The following FAT1 variants were observed in gnomAD, a reference collection of about 807,000 sequenced individuals.
FAT1 encodes the protein FAT atypical cadherin 1, also known as protocadherin Fat 1.
A neutral mutation model predicts 329.8 loss-of-function variants in FAT1; 171 were observed. The observed-to-expected ratio is 0.52, with a 90% CI of 0.46 to 0.59. The LOEUF (loss-of-function observed/expected upper bound fraction) is 0.59, where lower values mean the gene tolerates loss of function less well. Ranked by LOEUF, FAT1 falls within the 20% of genes least tolerant of loss-of-function variation. The pLI, the probability that FAT1 is intolerant of heterozygous loss-of-function variation, is 0.00. For missense variants in FAT1, 5,672 were observed against 5,774.4 expected (o/e 0.98, Z 0.57); for synonymous variants, 2,233 against 2,228.6 (o/e 1.00, Z -0.06).
intron 14 of FAT1, among the ~76,000 whole-genome samples, chr4:186,610,452 A>G (rs10004157): frequency 0.059 from 8,980 of 151,576 alleles, 274 homozygotes; most frequent in Middle Eastern, 0.11. Context: ...GGAGATTTAT[A>G]TCCTTTTAAC....
chr4:186,662,242 T>C (rs567817390), intron 3 of FAT1, among the ~76,000 whole-genome samples: 1 of 152,338 alleles, frequency 6.6e-6, no homozygotes, highest in East Asian at 1.9e-4. Context: ...TCACAATTCT[T>C]ATATACCTCT....
At chr4:186,703,253 A>G (rs562515827) in intron 2 of FAT1, among the ~76,000 whole-genome samples, 5 of 152,224 alleles carry the variant, frequency 3.3e-5, no homozygotes, top group Non-Finnish European at 7.3e-5. Flanking sequence ...CCACGGAGCT[A>G]AGAACACAGA....
chr4:186,604,592 C>A lies in FAT1; in HGVS notation c.10351-18G>T, dbSNP rs560947934. 6.4e-7 allele frequency: 1 copy of A among 1,561,196 alleles called. No homozygotes were observed. Among genetic ancestry groups the A allele is most frequent in the African/African-American group, 1.4e-5 (1 of 73,334 alleles). ...TTATTTTCCTGCACAAGATTAGAAA[C>A]AAAATTAAACAAAAATCCTGGAACA... On this transcript the variant is annotated intron_variant, in intron 17 of 26. Transcript: ENST00000441802.
In FAT1 at chr4:186,679,411, T is replaced by C. The variant is rs558398352; in HGVS notation, c.3266-15798A>G. The stretch of plus-strand genomic sequence containing the variant: ...CAGCCTGGGTGACAGAGTGAGACTC[T>C]GTCTCAAAAAAAAAAAAAAAAAAAA... On this transcript the variant is annotated intron_variant, in intron 2 of 26. Coordinates refer to ENST00000441802, the MANE Select transcript of FAT1 (RefSeq NM_005245.4). Among the ~76,000 whole-genome samples the C allele has an allele frequency of 3.9e-3, 417 of 107,300 alleles. 3 individuals are homozygous for C. The highest frequency in any genetic ancestry group is 0.014 in the African/African-American group (340 of 23,860). 70.4% of individuals were successfully genotyped at this position (107,300 alleles called of 152,430 possible). A position where few individuals can be genotyped will look rare whatever the true frequency, so the allele number is the denominator to read the frequency against.
intron 26 of FAT1, among the ~76,000 whole-genome samples, chr4:186,591,642 G>A (rs950108305): frequency 6.6e-6 from 1 of 152,170 alleles, no homozygotes; most frequent in Non-Finnish European, 1.5e-5. Context: ...AATGCTGAAG[G>A]TCATCAGTTT....
At chr4:186,648,918 T>C (rs1430992121) in intron 3 of FAT1, among the ~76,000 whole-genome samples, 1 of 152,212 alleles carries the variant, frequency 6.6e-6, no homozygotes, top group South Asian at 2.1e-4. Flanking sequence ...TCACTCTTTT[T>C]TTAACAGTTT....
chr4:186,594,552 G>A (rs1255859628), intron 26 of FAT1, among the ~76,000 whole-genome samples: 1 of 149,612 alleles, frequency 6.7e-6, no homozygotes, highest in Non-Finnish European at 1.5e-5. Flanking sequence ...GGTTTAACAA[G>A]CAAAGCTATG....
In FAT1 at chr4:186,618,826, G is replaced by A. The variant is rs1739865642; in HGVS notation, c.7760C>T (p.Thr2587Ile). 1.9e-6 allele frequency: 3 copies of A among 1,613,900 alleles called. No individual in the cohort carries two copies. The highest frequency in any genetic ancestry group is 1.3e-5 in the African/African-American group (1 of 74,942). Residue 2587 changes from threonine (T) to isoleucine (I), a missense_variant, in exon 10 of 27, where the codon ACA becomes ATA. Physicochemically the swap from Thr to Ile is moderately conservative, Grantham distance 89. This residue lies in a region of FAT1 where 3,966 missense variants were observed against 3,915.2 expected (regional missense o/e 1.01). Transcript: ENST00000441802. ...TTGTGGTGCATTGTCATTGTCATCT[G>A]TAAGGATGACATTCACGGTGCAGAA... is the stretch of plus-strand genomic sequence containing the variant. ...VAFCTVNVIL[T>I]DDNDNAPQFR...
At position 186,628,495 on chromosome 4, in the gene FAT1, G is replaced by A. The variant is rs752198489; in HGVS notation, c.4592C>T (p.Thr1531Met). 1.1e-5 allele frequency: 17 copies of A among 1,613,860 alleles called. No homozygotes were observed. In the Admixed American group the frequency reaches 1.3e-4, roughly 13 times the overall value. Residue 1531 changes from threonine (T) to methionine (M), a missense_variant, in exon 8 of 27, where the codon ACG becomes ATG. Transcript: ENST00000441802. ...AGCGGGTAGAGCGCCTACCATGACC[G>A]TGAGGGTGTGCTGGTGAACAGCTTC... ...DHEAVHQHTL[T>M]VMVRDQDVPV...
At position 186,596,506 on chromosome 4, in the gene FAT1, T is replaced by C. The variant is rs1738516411; in HGVS notation, c.13000+34A>G. 5 of 1,583,910 alleles carry C rather than the reference T, an allele frequency of 3.2e-6. No individual in the cohort carries two copies. The highest frequency in any genetic ancestry group is 4.3e-6 in the Non-Finnish European group (5 of 1,167,484). ...TTGTAACCTCACTGTTTATCTCAAG[T>C]GACACTTTAGTGAGATGAAAAAGTG... On this transcript the variant is annotated intron_variant, in intron 25 of 26. Transcript: ENST00000441802. This position sits in a 1 kb window ranked among gnomAD's most constrained non-coding sequence, Gnocchi z 4.7.
At position 186,611,611 on chromosome 4, in the gene FAT1, G is replaced by A. The variant is rs1419564469; in HGVS notation, c.9628C>T (p.Leu3210=). 1.2e-6 allele frequency: 2 copies of A among 1,613,500 alleles called. No homozygotes were observed. The highest frequency in any genetic ancestry group is 1.7e-6 in the Non-Finnish European group (2 of 1,179,732). The change falls in exon 14 of 27, where the codon CTG becomes TTG. Residue 3210 remains leucine (L), a synonymous_variant. Coordinates refer to ENST00000441802, the MANE Select transcript of FAT1 (RefSeq NM_005245.4). ...KAVDQGLPRR[L]TATGTVIVSV... ...ACAATCACAGTGCCAGTGGCAGTCA[G>A]CCTCCTTGGCAAGCCTTGATCCACA... is the stretch of plus-strand genomic sequence containing the variant.
intron 2 of FAT1, among the ~76,000 whole-genome samples, chr4:186,668,003 G>GGGAAACCAT (rs1742535134): frequency 6.6e-6 from 1 of 152,172 alleles, no homozygotes; most frequent in Non-Finnish European, 1.5e-5. Context: ...AAGGCCACAA[G>GGGAAACCAT]GAGTTTCCCA....
chr4:186,625,867 T>C (rs1377057576), intron 9 of FAT1, among the ~76,000 whole-genome samples: 2 of 152,216 alleles, frequency 1.3e-5, no homozygotes. Context: ...GTGGACCCAA[T>C]GGCAACGCCT....
In FAT1 at chr4:186,688,911, C is replaced by T. The variant is rs555522448; in HGVS notation, c.3265+17652G>A. ...AATAAATATAAAGCAGAAAATCACC[C>T]CAGCATGCAGATCCCAAAATTTACA... On this transcript the variant is annotated intron_variant, in intron 2 of 26. Coordinates refer to ENST00000441802, the MANE Select transcript of FAT1 (RefSeq NM_005245.4). 2.6e-5 allele frequency among the ~76,000 whole-genome samples: 4 copies of T among 152,226 alleles called. No individual in the cohort carries two copies. In the East Asian group the frequency reaches 7.7e-4, roughly 29 times the overall value.
rs1392735259 is a variant in FAT1 at position 186,601,371 on chromosome 4, T to TTCCGTC, written c.11532_11537dup (p.Thr3845_Glu3846dup). On this transcript the variant is annotated inframe_insertion, in exon 21 of 27. Transcript: ENST00000441802. ...GTTTCATCTCTAATTTGTTTTCATT[T>TTCCGTC]TCCGTCAGACGGTATTTCACGTAGC... is the stretch of plus-strand genomic sequence containing the variant. 6.2e-7 allele frequency: 1 copy of TTCCGTC among 1,613,582 alleles called. No individual in the cohort carries two copies. Among genetic ancestry groups the TTCCGTC allele is most frequent in the African/African-American group, 1.3e-5 (1 of 74,928 alleles).
chr4:186,614,300 T>C lies in FAT1; in HGVS notation c.9120A>G (p.Lys3040=). ...CTGTAGCAGAGATCTGCATGATCAA[T>C]TTTCCAGGAAGGACGTCTTCAGGAA... ...DTIPEDVLPG[K]LIMQISATDA... The change falls in exon 12 of 27, where the codon AAA becomes AAG. Residue 3040 remains lysine (K), a synonymous_variant. Transcript: ENST00000441802. 1.9e-6 allele frequency: 3 copies of C among 1,584,902 alleles called. No homozygotes were observed. The highest frequency in any genetic ancestry group is 2.6e-6 in the Non-Finnish European group (3 of 1,169,704).
chr4:186,686,831 T>C (rs1164528018), intron 2 of FAT1, among the ~76,000 whole-genome samples: 1 of 152,130 alleles, frequency 6.6e-6, no homozygotes, highest in Non-Finnish European at 1.5e-5. Flanking sequence ...CACAGGTGAG[T>C]GAATTAACTC....
At chr4:186,679,829 A>C (rs1340957383) in intron 2 of FAT1, among the ~76,000 whole-genome samples, 1 of 152,150 alleles carries the variant, frequency 6.6e-6, no homozygotes, top group East Asian at 1.9e-4. Flanking sequence ...GCAATCGTAT[A>C]TTTTTTCCCA....
chr4:186,704,062 T>C (rs1462177528), intron 2 of FAT1, among the ~76,000 whole-genome samples: 1 of 152,254 alleles, frequency 6.6e-6, no homozygotes, highest in Non-Finnish European at 1.5e-5. Context: ...TCTATCACTT[T>C]TGTTCATTTC....
Sources: gnomAD v4.1 joint callset for allele counts (sites outside exome capture counted in the v4.1 genomes callset) on GRCh38, gnomAD v4.1.1 for gene constraint, gnomAD v4.1.1 regional missense constraint, Gnocchi (gnomAD v3.1) non-coding constraint, MANE v1.5 for transcripts, NCBI Gene and HGNC (gene_info 2026-07-23, HGNC 2026-07-21) for gene names.